The following CTNNA3 variants were observed in gnomAD, a reference collection of about 807,000 sequenced individuals.
CTNNA3 encodes catenin alpha 3.
Under a neutral mutation model 95.7 loss-of-function variants are expected in CTNNA3, and 76 were observed. The observed-to-expected ratio is 0.79, with a 90% CI of 0.66 to 0.96. The LOEUF (loss-of-function observed/expected upper bound fraction) is 0.96. Ranked by LOEUF, CTNNA3 falls within the 40% of genes least tolerant of loss-of-function variation. The pLI, the probability that CTNNA3 is intolerant of heterozygous loss-of-function variation, is 0.00. For missense variants in CTNNA3, 1,191 were observed against 1,089.8 expected, an observed-to-expected ratio of 1.09 and a Z score of -1.31; for synonymous variants, 431 against 374.4, an observed-to-expected ratio of 1.15 and a Z score of -1.74.
intron 15 of CTNNA3, among the ~76,000 whole-genome samples, chr10:66,029,125 G>A (rs1380287216): frequency 6.6e-6 from 1 of 152,154 alleles, no homozygotes; most frequent in Non-Finnish European, 1.5e-5. Context: ...GGAATTCCCA[G>A]TGTTGAAGGA....
intron 3 of CTNNA3, among the ~76,000 whole-genome samples, chr10:67,594,850 C>T (rs1842891250): frequency 6.6e-6 from 1 of 151,948 alleles, no homozygotes; most frequent in Admixed American, 6.6e-5. Context: ...ATACACTGTA[C>T]CCAGTTTGTA....
chr10:66,909,981 G>T (rs573506719), intron 7 of CTNNA3, among the ~76,000 whole-genome samples: 1 of 152,154 alleles, frequency 6.6e-6, no homozygotes, highest in African/African-American at 2.4e-5. Flanking sequence ...GGGGAAAAGG[G>T]CAAATAAACA....
intron 14 of CTNNA3, among the ~76,000 whole-genome samples, chr10:66,083,913 A>C (rs1024474714): frequency 1.3e-5 from 2 of 152,058 alleles, no homozygotes; most frequent in Admixed American, 6.6e-5. Context: ...AGGCAGGTGG[A>C]TTACCTAAGG....
chr10:66,697,839 G>C (rs918011791), intron 9 of CTNNA3, among the ~76,000 whole-genome samples: 5 of 152,122 alleles, frequency 3.3e-5, no homozygotes, highest in African/African-American at 1.2e-4. Flanking sequence ...TATAAACTGT[G>C]CTAGCATATT....
intron 4 of CTNNA3, among the ~76,000 whole-genome samples, chr10:67,526,382 A>T (rs1840146466): frequency 6.7e-6 from 1 of 148,612 alleles, no homozygotes; most frequent in African/African-American, 2.5e-5. Context: ...GTAAGGAATG[A>T]CTATAAAAGT....
At chr10:66,386,462 A>G (rs1218406299) in intron 11 of CTNNA3, among the ~76,000 whole-genome samples, 1 of 152,198 alleles carries the variant, frequency 6.6e-6, no homozygotes, top group Non-Finnish European at 1.5e-5. Context: ...AAATAATTGG[A>G]AGAACATTCC....
intron 5 of CTNNA3, among the ~76,000 whole-genome samples, chr10:67,294,619 A>G (rs949012710): frequency 6.6e-6 from 1 of 152,180 alleles, no homozygotes; most frequent in Non-Finnish European, 1.5e-5. Context: ...ATTCTAAAAA[A>G]GTGACTCCCC....
chr10:67,427,807 T>C (rs549784419), intron 5 of CTNNA3, among the ~76,000 whole-genome samples: 7 of 151,974 alleles, frequency 4.6e-5, no homozygotes, highest in Non-Finnish European at 8.8e-5. Flanking sequence ...CAGAGTTCAG[T>C]ATGCATGGGG....
Position 66,839,468 on chromosome 10 carries a change from C to T in CTNNA3, c.1048-63944G>A, listed in dbSNP as rs140127128. 4.9e-3 allele frequency among the ~76,000 whole-genome samples: 738 copies of T among 152,160 alleles called. 7 individuals are homozygous for T. The highest frequency in any genetic ancestry group is 0.017 in the African/African-American group (697 of 41,512). On this transcript the variant is annotated intron_variant, in intron 7 of 17. Coordinates refer to ENST00000433211, the MANE Select transcript of CTNNA3 (RefSeq NM_013266.4). The stretch of plus-strand genomic sequence containing the variant: ...TATACAGAATTACTAACCATGCAAC[C>T]TAGTGAAATACAATCCAATAAATCT...
intron 1 of CTNNA3, among the ~76,000 whole-genome samples, chr10:67,685,752 C>T (rs1299402055): frequency 1.3e-5 from 2 of 151,518 alleles, no homozygotes; most frequent in African/African-American, 4.8e-5. Context: ...TTCTTTACTA[C>T]TTCTATCTCT....
At chr10:66,071,594 T>C (rs1339935032) in intron 14 of CTNNA3, among the ~76,000 whole-genome samples, 2 of 152,168 alleles carry the variant, frequency 1.3e-5, no homozygotes, top group Non-Finnish European at 2.9e-5. Flanking sequence ...GCCCACAATA[T>C]ACCAATATAT....
intron 1 of CTNNA3, among the ~76,000 whole-genome samples, chr10:67,754,646 A>G (rs1426558158): frequency 6.6e-6 from 1 of 152,182 alleles, no homozygotes; most frequent in Non-Finnish European, 1.5e-5. Context: ...TCTGTGTAAG[A>G]CCTCAAAAGC....
chr10:67,582,962 A>T (rs907301287), intron 3 of CTNNA3, among the ~76,000 whole-genome samples: 10 of 151,906 alleles, frequency 6.6e-5, no homozygotes, highest in African/African-American at 1.9e-4. Flanking sequence ...TCTCTGCACA[A>T]GAGATGGGTT....
At chr10:66,321,563 T>C (rs2092185933) in intron 12 of CTNNA3, among the ~76,000 whole-genome samples, 1 of 152,152 alleles carries the variant, frequency 6.6e-6, no homozygotes, top group South Asian at 2.1e-4. Flanking sequence ...TGTATTCTTT[T>C]ACTAAATATA....
intron 9 of CTNNA3, among the ~76,000 whole-genome samples, chr10:66,651,964 G>A (rs1845922869): frequency 6.6e-6 from 1 of 151,946 alleles, no homozygotes; most frequent in African/African-American, 2.4e-5. Flanking sequence ...CCGAGAGCGA[G>A]CAAGGGCTGC....
At chr10:67,518,948 G>A (rs537483077) in intron 5 of CTNNA3, among the ~76,000 whole-genome samples, 4 of 152,136 alleles carry the variant, frequency 2.6e-5, no homozygotes, top group South Asian at 2.1e-4. Flanking sequence ...TTTGTCATCC[G>A]TTTACTTTAG....
In CTNNA3 at chr10:67,606,979, A is replaced by T. The variant is rs999207325; in HGVS notation, c.170T>A (p.Val57Asp). The stretch of plus-strand genomic sequence containing the variant: ...TGCTTCCTCCACAGAAGCTAGAAGG[A>T]CACTGGCTCTTTTCGAACGTCCTTT... ...RKKGRSKRAS[V>D]LLASVEEATW... The change falls in exon 3 of 18, where the codon GTC (valine) becomes GAC (aspartate). Residue 57 changes from valine (V) to aspartate (D), a missense_variant. By Grantham distance (152) the Val-to-Asp change is radical (BLOSUM62 -3). Transcript: ENST00000433211. 1.2e-6 allele frequency: 2 copies of T among 1,613,948 alleles called. No homozygotes were observed. Among genetic ancestry groups the T allele is most frequent in the African/African-American group, 2.7e-5 (2 of 74,922 alleles).
chr10:67,559,798 T>C (rs765434451), intron 3 of CTNNA3, among the ~76,000 whole-genome samples: 5 of 152,044 alleles, frequency 3.3e-5, no homozygotes, highest in Admixed American at 6.5e-5. Flanking sequence ...TTAAAGGAGC[T>C]AATGGAGCTG....
chr10:65,948,280 CAAAAAAAAAA>C (rs56966630), intron 17 of CTNNA3, among the ~76,000 whole-genome samples: 184 of 97,718 alleles, frequency 1.9e-3, no homozygotes, highest in Admixed American at 4.0e-3. Flanking sequence ...GACTCCATCT[CAAAAAAAAAA>C]AAAAAAAAAG....
Sources: allele counts gnomAD v4.1 joint callset (sites outside exome capture counted in the v4.1 genomes callset), GRCh38; gene constraint gnomAD v4.1.1; transcripts MANE v1.5; gene names NCBI Gene and HGNC (gene_info 2026-07-23, HGNC 2026-07-21).